Variants in TTC39B observed in about 807,000 individuals in gnomAD.
TTC39B encodes the protein tetratricopeptide repeat domain 39B.
In TTC39B, 92 loss-of-function variants were observed where a neutral mutation model predicts 96.6. That is an observed-to-expected ratio of 0.95 (90% CI 0.80 to 1.13). The LOEUF (loss-of-function observed/expected upper bound fraction) is 1.13. TTC39B is among the 50% of genes most tolerant of loss of function. The probability of loss-of-function intolerance (pLI) is 0.00; values close to 1 mark genes in which losing one functional copy is unlikely to be tolerated. For missense variants in TTC39B, 955 were observed against 809.3 expected, an observed-to-expected ratio of 1.18 and a Z score of -2.18; for synonymous variants, 367 against 299.4, an observed-to-expected ratio of 1.23 and a Z score of -2.33.
At chr9:15,231,336 C>G (rs1261738571) in intron 2 of TTC39B, among the ~76,000 whole-genome samples, 1 of 152,036 alleles carries the variant, frequency 6.6e-6, no homozygotes, top group African/African-American at 2.4e-5. Flanking sequence ...TATATTCCCA[C>G]CAATAATGTA....
At chr9:15,297,262 G>C (rs778864795) in intron 1 of TTC39B, among the ~76,000 whole-genome samples, 24 of 152,202 alleles carry the variant, frequency 1.6e-4, no homozygotes, top group Non-Finnish European at 3.2e-4. Context: ...TGAAGCCCAG[G>C]TCGAATGTCA....
chr9:15,278,476 T>G (rs1028512113), intron 1 of TTC39B, among the ~76,000 whole-genome samples: 2 of 152,240 alleles, frequency 1.3e-5, no homozygotes, highest in African/African-American at 4.8e-5. Flanking sequence ...CAATCCACCT[T>G]GTAAATCATT....
In TTC39B at chr9:15,235,023, C is replaced by CAATCAATAAATA. The variant is rs1554779427; in HGVS notation, c.276-9012_276-9011insTATTTATTGATT. 9.1e-4 allele frequency among the ~76,000 whole-genome samples: 132 copies of CAATCAATAAATA among 145,136 alleles called. 1 individual carries two copies. The highest frequency in any genetic ancestry group is 2.5e-3 in the African/African-American group (99 of 39,150). On this transcript the variant is annotated intron_variant, in intron 2 of 19. Transcript: ENST00000512701. ...TCTGTGAGAAACACCCAAGAATGAT[C>CAATCAATAAATA]AATAAATAAATAAATAAATAAAACA...
At chr9:15,186,318 C>G (rs1401444285) in intron 15 of TTC39B, among the ~76,000 whole-genome samples, 2 of 149,238 alleles carry the variant, frequency 1.3e-5, no homozygotes, top group African/African-American at 2.6e-5. Flanking sequence ...AGGTGGGGGT[C>G]AGAGGAAGGG....
chr9:15,264,440 G>C (rs12353383), intron 2 of TTC39B, among the ~76,000 whole-genome samples: 13,024 of 152,086 alleles, frequency 0.086, 725 homozygotes, highest in African/African-American at 0.16. Context: ...GATCACCTGA[G>C]GTCAGGAGTT....
chr9:15,188,563 C>G (rs1470601625), intron 13 of TTC39B, among the ~76,000 whole-genome samples: 2 of 151,934 alleles, frequency 1.3e-5, no homozygotes, highest in Non-Finnish European at 2.9e-5. Flanking sequence ...AAAAAGAAAA[C>G]TCAACAGGAA....
At chr9:15,182,229 G>C in intron 17 of TTC39B, 78 bp downstream of exon 17, 1 of 865,440 alleles carries the variant, frequency 1.2e-6, no homozygotes, top group Non-Finnish European at 1.8e-6. Flanking sequence ...AATGTTGGCA[G>C]ATGTGCACAG....
intron 2 of TTC39B, among the ~76,000 whole-genome samples, chr9:15,260,038 T>G (rs1397409252): frequency 6.6e-6 from 1 of 152,108 alleles, no homozygotes; most frequent in East Asian, 1.9e-4. Flanking sequence ...ATTCTGTAAA[T>G]ACATTAAAAT....
intron 3 of TTC39B, among the ~76,000 whole-genome samples, chr9:15,218,039 C>G (rs761918206): frequency 6.6e-6 from 1 of 151,996 alleles, no homozygotes; most frequent in Non-Finnish European, 1.5e-5. Flanking sequence ...GAAACCCCGT[C>G]TCTACTCAAA....
At chr9:15,301,327 C>A (rs1002492847) in intron 1 of TTC39B, among the ~76,000 whole-genome samples, 1 of 152,226 alleles carries the variant, frequency 6.6e-6, no homozygotes, top group Non-Finnish European at 1.5e-5. Flanking sequence ...AGAAATAGTA[C>A]AGTGACTTGT....
chr9:15,234,859 C>T (rs1341287229), intron 2 of TTC39B, among the ~76,000 whole-genome samples: 2 of 151,802 alleles, frequency 1.3e-5, no homozygotes, highest in Non-Finnish European at 2.9e-5. Context: ...ATTACCACTC[C>T]CTAATCTTAA....
rs539956069 is a variant in TTC39B, at chr9:15,302,154, C to G, written c.240+4930G>C. ...CCTGGCCAACATGGTGAAACCCCATCTCTACTGAAAAAAATACAAAAATTA... is the reference window on the plus strand; with the variant it reads ...CCTGGCCAACATGGTGAAACCCCATGTCTACTGAAAAAAATACAAAAATTA... On this transcript the variant is annotated intron_variant, in intron 1 of 19. Coordinates refer to ENST00000512701, the Ensembl canonical transcript of TTC39B. Among the ~76,000 whole-genome samples the G allele has an allele frequency of 2.6e-5, 4 of 151,040 alleles. No individual in the cohort carries two copies. In the South Asian group the frequency reaches 8.4e-4, roughly 32 times the overall value.
Position 15,186,943 on chromosome 9 carries a change from C to T in TTC39B, c.1487+1G>A, listed in dbSNP as rs1415649556. 1 of 1,613,132 alleles carries T rather than the reference C, an allele frequency of 6.2e-7. No homozygotes were observed. The highest frequency in any genetic ancestry group is 8.5e-7 in the Non-Finnish European group (1 of 1,179,252). ...TGTTATAGGAATAGTGTCTCACATACCTGAATAAAGTTACCACATTCTCAT... is the reference window on the plus strand; with the variant it reads ...TGTTATAGGAATAGTGTCTCACATATCTGAATAAAGTTACCACATTCTCAT... On this transcript the variant is annotated splice_donor_variant, in intron 15 of 19. Transcript: ENST00000512701. LOFTEE classifies it high-confidence loss of function.
chr9:15,189,512 C>T (rs976058702), intron 13 of TTC39B, 62 bp downstream of exon 13: 12 of 1,559,948 alleles, frequency 7.7e-6, no homozygotes, highest in Admixed American at 3.4e-5. Flanking sequence ...TAGGTCACAG[C>T]GACTCATGTA....
exon 20 of TTC39B, chr9:15,171,917 T>A (rs1817681463): frequency 1.2e-6 from 1 of 836,562 alleles, no homozygotes; most frequent in Admixed American, 2.7e-5. Context: ...AACTGTTTTT[T>A]TGTCTCTTAT....
chr9:15,185,508 G>A (rs762745811), intron 15 of TTC39B, 102 bp from the exon 16 acceptor site: 2 of 1,539,398 alleles, frequency 1.3e-6, no homozygotes, highest in Admixed American at 1.9e-5. Flanking sequence ...ACCAGCAGCA[G>A]CAGCAGCATC....
At chr9:15,272,343 C>T (rs187337726) in intron 1 of TTC39B, among the ~76,000 whole-genome samples, 34 of 152,294 alleles carry the variant, frequency 2.2e-4, no homozygotes, top group African/African-American at 8.2e-4. Flanking sequence ...GTTGGTTTCC[C>T]TTAGCTCCCC....
chr9:15,219,908 T>C (rs1425720055), intron 3 of TTC39B, among the ~76,000 whole-genome samples: 3 of 152,122 alleles, frequency 2.0e-5, no homozygotes, highest in East Asian at 1.9e-4. Flanking sequence ...GAAATTCCAT[T>C]CAGAGCTATG....
chr9:15,291,630 T>C (rs191567308), intron 1 of TTC39B, among the ~76,000 whole-genome samples: 1 of 152,354 alleles, frequency 6.6e-6, no homozygotes, highest in Admixed American at 6.5e-5. Context: ...AGCTGCTATT[T>C]ATCCAACATG....
Sources: allele counts gnomAD v4.1 joint callset (sites outside exome capture counted in the v4.1 genomes callset), GRCh38; gene constraint gnomAD v4.1.1; transcripts MANE v1.5; gene names NCBI Gene and HGNC (gene_info 2026-07-23, HGNC 2026-07-21).